Variants in SPTB observed in about 807,000 individuals in gnomAD.
SPTB encodes spectrin beta chain, erythrocytic.
Under a neutral mutation model 256.2 loss-of-function variants are expected in SPTB, and 45 were observed. That is an observed-to-expected ratio of 0.18 (90% confidence interval 0.14 to 0.23). SPTB has a LOEUF of 0.23. Among genes scored for constraint, SPTB ranks in the 10% least tolerant of loss-of-function variants. The pLI is 1.00. For synonymous variants in SPTB, 1,231 were observed against 1,243.1 expected (o/e 0.99, Z 0.21); for missense variants, 2,715 against 3,040.4 (o/e 0.89, Z 2.52).
rs2081883146 is a variant in SPTB at position 64,748,430 on chromosome 14, T to G, written c.*876A>C. ...GGTCCCAGCATTGAGAGGGAGAGCC[T>G]TAGGCAGTGTTGTGACGCACCTGTC... is the stretch of plus-strand genomic sequence containing the variant. On this transcript the variant is annotated 3_prime_UTR_variant, in exon 36 of 36. Coordinates refer to ENST00000644917, the MANE Select transcript of SPTB (RefSeq NM_001355436.2). The G allele has an allele frequency of 6.6e-6, 1 of 152,250 alleles. No homozygotes were observed. Among genetic ancestry groups the G allele is most frequent in the South Asian group, 2.1e-4 (1 of 4,826 alleles). 9.4% of individuals were successfully genotyped at this position (152,250 alleles called of 1,614,324 possible). A position where few individuals can be genotyped will look rare whatever the true frequency, so the allele number is the denominator to read the frequency against.
At position 64,771,014 on chromosome 14, in the gene SPTB, T is replaced by C; in HGVS notation, c.5669A>G (p.Asp1890Gly). Residue 1890 changes from aspartate (D) to glycine (G), a missense_variant, in exon 27 of 36, where the codon GAT (aspartate) becomes GGT (glycine). Transcript: ENST00000644917. ...CTGGGTCCGGCGCCCGGCACAGGCA[T>C]CGAGCAGCGCCTGCCACGCGGCAGA... is the stretch of plus-strand genomic sequence containing the variant. ...EVSAAWQALL[D>G]ACAGRRTQLV... The C allele has an allele frequency of 1.2e-6, 2 of 1,614,166 alleles. No individual in the cohort carries two copies. Among genetic ancestry groups the C allele is most frequent in the South Asian group, 1.1e-5 (1 of 91,092 alleles).
chr14:64,850,147 T>C (rs990577202), intron 1 of SPTB, among the ~76,000 whole-genome samples: 1 of 152,232 alleles, frequency 6.6e-6, no homozygotes, highest in African/African-American at 2.4e-5. Context: ...AAAAGCTTTC[T>C]GACTTCTGCT....
At position 64,760,324 on chromosome 14, in the gene SPTB, C is replaced by T. The variant is rs1277887382; in HGVS notation, c.6345+6402G>A. On this transcript the variant is annotated intron_variant, in intron 32 of 35. Transcript: ENST00000644917. This position sits in a 1 kb window ranked among gnomAD's most constrained non-coding sequence, Gnocchi z 4.3. ...AGGTGGGTAAATGTCTTCTCCGGGC[C>T]AAAGGAGGTGAAGGTGTATGTCCAG... Among the ~76,000 whole-genome samples, 1 of 152,058 alleles carries T rather than the reference C, an allele frequency of 6.6e-6. No individual in the cohort carries two copies. The highest frequency in any genetic ancestry group is 1.5e-5 in the Non-Finnish European group (1 of 68,018).
chr14:64,819,044 C>T (rs1196347966), intron 2 of SPTB, among the ~76,000 whole-genome samples: 1 of 152,202 alleles, frequency 6.6e-6, no homozygotes, highest in Non-Finnish European at 1.5e-5. Flanking sequence ...CAGGGATCTA[C>T]AGGGCAAATA....
chr14:64,794,386 A>T, intron 13 of SPTB, 81 bp downstream of exon 13: 2 of 1,570,622 alleles, frequency 1.3e-6, no homozygotes, highest in Non-Finnish European at 1.7e-6. Context: ...GTTCCAGGAG[A>T]TTTATCCAAG....
chr14:64,842,637 A>G (rs2083624871), intron 1 of SPTB, among the ~76,000 whole-genome samples: 1 of 152,254 alleles, frequency 6.6e-6, no homozygotes, highest in South Asian at 2.1e-4. Flanking sequence ...CGGAGTATAC[A>G]GGCTCTGAAT....
intron 2 of SPTB, among the ~76,000 whole-genome samples, chr14:64,813,908 G>A (rs1261265085): frequency 1.3e-5 from 2 of 152,292 alleles, no homozygotes; most frequent in Non-Finnish European, 2.9e-5. Context: ...CCTAGCATGG[G>A]GCAGACTCTC....
Position 64,772,854 on chromosome 14 carries a change from G to A in SPTB, c.5279C>T (p.Ala1760Val), listed in dbSNP as rs778913256. ...GATGGTGGCCGCCTCGCTGTGGCCC[G>A]CGTCGATGAGTCGCTCGATGAAGGC... ...VNAFIERLID[A>V]GHSEAATIAE... The change falls in exon 26 of 36, where the codon GCG becomes GTG. Residue 1760 changes from alanine to valine, a missense_variant. This residue lies in a region of SPTB where 2,239 missense variants were observed against 2,384.4 expected (regional missense o/e 0.94). Coordinates refer to ENST00000644917, the MANE Select transcript of SPTB (RefSeq NM_001355436.2). The surrounding 1 kb of genome is among the most constrained non-coding windows in gnomAD (Gnocchi z 5.4). 40 of 1,612,622 alleles carry A rather than the reference G, an allele frequency of 2.5e-5. No individual in the cohort carries two copies. The highest frequency in any genetic ancestry group is 2.5e-4 in the East Asian group (11 of 44,866).
chr14:64,749,413 G>A lies in SPTB; in HGVS notation c.6880C>T (p.Arg2294Cys), dbSNP rs770384233. 80 of 1,606,858 alleles carry A rather than the reference G, an allele frequency of 5.0e-5. No individual in the cohort carries two copies. Among genetic ancestry groups the A allele is most frequent in the East Asian group, 6.7e-5 (3 of 44,886 alleles). ...AGGGGCAGGCTCTGCGCCTTGACGCGGATGCTCTGGGACTCGTTGATGGCG... is the reference window on the plus strand; with the variant it reads ...AGGGGCAGGCTCTGCGCCTTGACGCAGATGCTCTGGGACTCGTTGATGGCG... Reference protein sequence around the residue: ...STAINESQSIRVKAQSLPLPS... With the variant: ...STAINESQSICVKAQSLPLPS... The change falls in exon 36 of 36, where the codon CGC (arginine) becomes TGC (cysteine). Residue 2294 changes from arginine (R) to cysteine (C), a missense_variant. Coordinates refer to ENST00000644917, the MANE Select transcript of SPTB (RefSeq NM_001355436.2). The surrounding 1 kb of genome is among the most constrained non-coding windows in gnomAD (Gnocchi z 4.7).
chr14:64,796,840 G>T lies in SPTB; in HGVS notation c.1183-125C>A. The T allele has an allele frequency of 1.6e-6, 2 of 1,271,242 alleles. No homozygotes were observed. Among genetic ancestry groups the T allele is most frequent in the South Asian group, 1.2e-5 (1 of 81,012 alleles). The allele number at this position is 1,271,242 out of a possible 1,614,324, so 78.7% of individuals were successfully genotyped here. ...AAGGTACAGCCTGATGCTCTTGGGT[G>T]ACGTGGTAGCAGATTAAAGATCAAT... On this transcript the variant is annotated intron_variant, in intron 10 of 35. Coordinates refer to ENST00000644917, the MANE Select transcript of SPTB (RefSeq NM_001355436.2). The surrounding 1 kb of genome is among the most constrained non-coding windows in gnomAD (Gnocchi z 4.1).
chr14:64,813,485 C>T (rs537430113), intron 2 of SPTB, among the ~76,000 whole-genome samples: 6 of 152,180 alleles, frequency 3.9e-5, no homozygotes, highest in Non-Finnish European at 7.4e-5. Context: ...GCTTGGGGAA[C>T]CAGAGTGAGC....
chr14:64,788,347 C>T (rs1390037288), intron 15 of SPTB, among the ~76,000 whole-genome samples: 1 of 152,128 alleles, frequency 6.6e-6, no homozygotes. Flanking sequence ...GGACAGAGAG[C>T]GCTGTTGTGC....
rs576450384 is a variant in SPTB, at chr14:64,753,792, C to A, written c.6347G>T (p.Gly2116Val). Reference protein sequence around the residue: ...HHAATERTSPGEEEGTWPQNL... With the variant: ...HHAATERTSPVEEEGTWPQNL... ...CTGAGGCCACGTTCCCTCTTCTTCC[C>A]CCTGCTCAGGGCATAGGGAGGAGCA... The change falls in exon 33 of 36, where the codon GGG becomes GTG. Residue 2116 changes from glycine to valine, a missense_variant and splice_region_variant. Gly to Val is a moderately radical substitution (Grantham distance 109, BLOSUM62 -3). This residue lies in a region of SPTB where 2,239 missense variants were observed against 2,384.4 expected (regional missense o/e 0.94). Coordinates refer to ENST00000644917, the MANE Select transcript of SPTB (RefSeq NM_001355436.2). The A allele has an allele frequency of 6.2e-7, 1 of 1,612,872 alleles. No individual in the cohort carries two copies. The highest frequency in any genetic ancestry group is 1.3e-5 in the African/African-American group (1 of 75,014).
chr14:64,856,895 T>C (rs1193151524), intron 1 of SPTB, among the ~76,000 whole-genome samples: 1 of 152,242 alleles, frequency 6.6e-6, no homozygotes, highest in Non-Finnish European at 1.5e-5. Flanking sequence ...GTTTGAGACC[T>C]TGGACAAGTT....
Position 64,793,080 on chromosome 14 carries a change from C to A in SPTB, c.2583G>T (p.Glu861Asp), listed in dbSNP as rs780538811. The A allele has an allele frequency of 6.2e-7, 1 of 1,614,126 alleles. No individual in the cohort carries two copies. Among genetic ancestry groups the A allele is most frequent in the South Asian group, 1.1e-5 (1 of 91,086 alleles). The change falls in exon 14 of 36, where the codon GAG becomes GAT. Residue 861 changes from glutamate to aspartate, a missense_variant. Physicochemically the swap from Glu to Asp is conservative, Grantham distance 45. This residue lies in a region of SPTB where 2,239 missense variants were observed against 2,384.4 expected (regional missense o/e 0.94). Transcript: ENST00000644917. This position sits in a 1 kb window ranked among gnomAD's most constrained non-coding sequence, Gnocchi z 7.0. The part of the protein sequence containing the change: ...YTVFGETDAC[E>D]LWMGEKEKWL... ...ACTTCTCCTTCTCTCCCATCCACAG[C>A]TCACAGGCGTCTGTCTCCCCGAACA...
Position 64,775,451 on chromosome 14 carries a change from G to C in SPTB, c.4564-48C>G, listed in dbSNP as rs370075474. 8.2e-6 allele frequency: 13 copies of C among 1,583,924 alleles called. No individual in the cohort carries two copies. In the African/African-American group the frequency reaches 1.7e-4, roughly 21 times the overall value. On this transcript the variant is annotated intron_variant, in intron 22 of 35. Coordinates refer to ENST00000644917, the MANE Select transcript of SPTB (RefSeq NM_001355436.2). This position sits in a 1 kb window ranked among gnomAD's most constrained non-coding sequence, Gnocchi z 5.0. Reference sequence around the variant, plus strand: ...GGGGCAGGGCCTTCCCACCATGCGGGGGAGGCTGCTTCAGCAGTGGCAGCA... The same window carrying C: ...GGGGCAGGGCCTTCCCACCATGCGGCGGAGGCTGCTTCAGCAGTGGCAGCA...
intron 1 of SPTB, among the ~76,000 whole-genome samples, chr14:64,846,232 A>C (rs1184686538): frequency 6.6e-6 from 1 of 152,214 alleles, no homozygotes; most frequent in Admixed American, 6.5e-5. Context: ...ACTCTGCCCC[A>C]GAAGTAGAGT....
In SPTB at chr14:64,784,376, G is replaced by A. The variant is rs774216236; in HGVS notation, c.3873C>T (p.Asn1291=). Residue 1291 remains asparagine, a synonymous_variant, in exon 19 of 36, where the codon AAC becomes AAT. Coordinates refer to ENST00000644917, the MANE Select transcript of SPTB (RefSeq NM_001355436.2). ...QNCQELTLWI[N]DKLLTSQDVS... ...CATCCTGAGATGTCAGCAGCTTGTC[G>A]TTGATCCAGAGAGTGAGCTGTGTGC... The A allele has an allele frequency of 2.9e-5, 47 of 1,614,060 alleles. No individual in the cohort carries two copies. The highest frequency in any genetic ancestry group is 2.0e-4 in the Admixed American group (12 of 60,010).
rs145275995 is a variant in SPTB, at chr14:64,772,829, G to A, written c.5304C>T (p.Ile1768=). The change falls in exon 26 of 36, where the codon ATC becomes ATT. Residue 1768 remains isoleucine, a synonymous_variant. Transcript: ENST00000644917. The surrounding 1 kb of genome is among the most constrained non-coding windows in gnomAD (Gnocchi z 5.4). ...CGTTCAGCCCGTCCTTCCACTCGGC[G>A]ATGGTGGCCGCCTCGCTGTGGCCCG... ...IDAGHSEAAT[I]AEWKDGLNEM... 10 of 1,613,816 alleles carry A rather than the reference G, an allele frequency of 6.2e-6. No homozygotes were observed. The highest frequency in any genetic ancestry group is 2.2e-5 in the East Asian group (1 of 44,880).
Sources: gnomAD v4.1 joint callset for allele counts (sites outside exome capture counted in the v4.1 genomes callset) on GRCh38, gnomAD v4.1.1 for gene constraint, gnomAD v4.1.1 regional missense constraint, Gnocchi (gnomAD v3.1) non-coding constraint, MANE v1.5 for transcripts, NCBI Gene and HGNC (gene_info 2026-07-23, HGNC 2026-07-21) for gene names.